The following SGCD variants were observed in gnomAD, a reference collection of about 807,000 sequenced individuals.
SGCD encodes delta-sarcoglycan.
SGCD carries 18 observed loss-of-function variants against 36.6 expected under a neutral mutation model. The ratio of observed to expected loss-of-function variants is 0.49; its 90% CI spans 0.34 to 0.73. The LOEUF (loss-of-function observed/expected upper bound fraction) is 0.73, where lower values mean the gene tolerates loss of function less well. SGCD is among the 30% of genes least tolerant of loss of function. SGCD has a pLI of 0.01. For synonymous variants in SGCD, 133 were observed against 130.6 expected, an observed-to-expected ratio of 1.02 and a Z score of -0.12; for missense variants, 387 against 346.7, an observed-to-expected ratio of 1.12 and a Z score of -0.92.
At chr5:155,990,632 A>C (rs1303273582) in intron 1 of SGCD, among the ~76,000 whole-genome samples, 1 of 152,188 alleles carries the variant, frequency 6.6e-6, no homozygotes, top group Non-Finnish European at 1.5e-5. Context: ...CTATCCTTTT[A>C]GCCCCAAGGC....
chr5:156,491,886 C>T (rs1755960043), intron 3 of SGCD, among the ~76,000 whole-genome samples: 1 of 152,122 alleles, frequency 6.6e-6, no homozygotes, highest in African/African-American at 2.4e-5. Context: ...ACGTTTTCAT[C>T]TTGAGCCTGG....
At chr5:156,476,044 G>A (rs1755163757) in intron 3 of SGCD, among the ~76,000 whole-genome samples, 2 of 152,146 alleles carry the variant, frequency 1.3e-5, no homozygotes, top group African/African-American at 4.8e-5. Flanking sequence ...AGTCAGCTGT[G>A]ACCTCTTCCT....
chr5:155,908,533 C>T (rs1446362341), intron 1 of SGCD, among the ~76,000 whole-genome samples: 2 of 152,086 alleles, frequency 1.3e-5, no homozygotes, highest in Non-Finnish European at 2.9e-5. Flanking sequence ...AAGAGTTTGC[C>T]TGATTTGCAC....
At chr5:155,833,053 C>CAAAAA in the SGCD span, among the ~76,000 whole-genome samples, 97 of 90,330 alleles carry the variant, frequency 1.1e-3, 1 homozygote, top group African/African-American at 3.7e-3. Flanking sequence ...ACTAAAAATA[C>CAAAAA]GAAAAAAAAA....
At chr5:156,295,444 T>C (rs971367314) in intron 3 of SGCD, among the ~76,000 whole-genome samples, 13 of 152,202 alleles carry the variant, frequency 8.5e-5, no homozygotes, top group African/African-American at 3.1e-4. Flanking sequence ...GTTTCTTTTC[T>C]CTATTTCATT....
intron 1 of SGCD, among the ~76,000 whole-genome samples, chr5:156,029,791 T>C (rs1036561611): frequency 7.9e-5 from 12 of 152,098 alleles, no homozygotes; most frequent in Non-Finnish European, 1.8e-4. Context: ...AACACAGAAT[T>C]TTTTTTTAAT....
chr5:156,527,349 T>C (rs1040881214), intron 4 of SGCD, among the ~76,000 whole-genome samples: 5 of 152,204 alleles, frequency 3.3e-5, no homozygotes, highest in Non-Finnish European at 7.3e-5. Context: ...GGGGAGTCCA[T>C]AGCATCCCAG....
chr5:156,127,356 T>C (rs981133376), intron 3 of SGCD, among the ~76,000 whole-genome samples: 3 of 152,092 alleles, frequency 2.0e-5, no homozygotes, highest in Non-Finnish European at 4.4e-5. Context: ...GTAATCTTAG[T>C]GATTTGAGAG....
intron 3 of SGCD, among the ~76,000 whole-genome samples, chr5:156,194,908 C>G (rs778295050): frequency 6.6e-6 from 1 of 151,904 alleles, no homozygotes; most frequent in Non-Finnish European, 1.5e-5. Flanking sequence ...GTATATAATA[C>G]ATATTGAACA....
At chr5:156,173,676 T>C (rs73811527) in intron 3 of SGCD, among the ~76,000 whole-genome samples, 6,132 of 152,248 alleles carry the variant, frequency 0.04, 275 homozygotes, top group African/African-American at 0.11. Context: ...TTAAATAATT[T>C]TGATGCAGAA....
intron 4 of SGCD, among the ~76,000 whole-genome samples, chr5:156,511,952 T>C (rs1236176445): frequency 6.6e-6 from 1 of 152,084 alleles, no homozygotes; most frequent in African/African-American, 2.4e-5. Flanking sequence ...TCCCAACACT[T>C]TGGAAGTCTG....
At chr5:156,297,532 G>A (rs539994480) in intron 3 of SGCD, among the ~76,000 whole-genome samples, 35 of 149,354 alleles carry the variant, frequency 2.3e-4, no homozygotes, top group African/African-American at 5.9e-4. Flanking sequence ...GTAAACTATC[G>A]CAAGAACAAA....
At chr5:156,226,195 G>T (rs898179521) in intron 3 of SGCD, among the ~76,000 whole-genome samples, 1 of 152,014 alleles carries the variant, frequency 6.6e-6, no homozygotes, top group Non-Finnish European at 1.5e-5. Flanking sequence ...TACCCTATTT[G>T]TAGTCTTTTA....
chr5:156,624,570 G>A (rs572260120), intron 6 of SGCD, among the ~76,000 whole-genome samples: 1 of 152,260 alleles, frequency 6.6e-6, no homozygotes, highest in East Asian at 1.9e-4. Context: ...GACAGAACAA[G>A]ACTCTGTCTC....
At chr5:156,348,169 T>C (rs910730447) in intron 3 of SGCD, among the ~76,000 whole-genome samples, 1 of 152,032 alleles carries the variant, frequency 6.6e-6, no homozygotes, top group African/African-American at 2.4e-5. Flanking sequence ...CACTGTTACG[T>C]TGGAGAAAGA....
the SGCD span, among the ~76,000 whole-genome samples, chr5:155,858,623 TAA>T: frequency 6.6e-6 from 1 of 152,198 alleles, no homozygotes; most frequent in African/African-American, 2.4e-5. Flanking sequence ...GTAATATAAT[TAA>T]GTTATCTAAT....
At chr5:156,437,171 T>C (rs1242595979) in intron 3 of SGCD, among the ~76,000 whole-genome samples, 1 of 152,200 alleles carries the variant, frequency 6.6e-6, no homozygotes, top group African/African-American at 2.4e-5. Flanking sequence ...TTCTTTCTAA[T>C]ACTTATTTTA....
intron 3 of SGCD, among the ~76,000 whole-genome samples, chr5:156,189,439 G>A (rs1763837191): frequency 6.6e-6 from 1 of 152,186 alleles, no homozygotes; most frequent in African/African-American, 2.4e-5. Context: ...AGAACTGGAA[G>A]GGGACCTTAG....
chr5:156,590,801 C>T (rs1443283086), intron 5 of SGCD, among the ~76,000 whole-genome samples: 1 of 151,472 alleles, frequency 6.6e-6, no homozygotes, highest in Non-Finnish European at 1.5e-5. Flanking sequence ...CCCTTTTCCC[C>T]TCCCCTTCAG....
Sources: gnomAD v4.1 joint callset for allele counts (sites outside exome capture counted in the v4.1 genomes callset) on GRCh38, gnomAD v4.1.1 for gene constraint, MANE v1.5 for transcripts, NCBI Gene and HGNC (gene_info 2026-07-23, HGNC 2026-07-21) for gene names.